HEMK2: variants seen among roughly 807,000 people sequenced by gnomAD.
The protein encoded by HEMK2 is methyltransferase HEMK2.
chr21:28,581,886 T>C, the HEMK2 span, among the ~76,000 whole-genome samples: 22 of 152,348 alleles, frequency 1.4e-4, no homozygotes, highest in East Asian at 4.2e-3. Flanking sequence ...CAATGGCTGA[T>C]ACATTTTAAA....
At chr21:28,792,241 C>A in the HEMK2 span, among the ~76,000 whole-genome samples, 1 of 152,152 alleles carries the variant, frequency 6.6e-6, no homozygotes, top group Non-Finnish European at 1.5e-5. Context: ...AAAATGCCAA[C>A]CAGCAGCCCT....
At chr21:28,687,319 T>C in the HEMK2 span, among the ~76,000 whole-genome samples, 1 of 152,228 alleles carries the variant, frequency 6.6e-6, no homozygotes, top group Non-Finnish European at 1.5e-5. Context: ...GGCACCCACC[T>C]TGGACACACC....
chr21:28,753,332 G>A, the HEMK2 span, among the ~76,000 whole-genome samples: 9 of 148,846 alleles, frequency 6.0e-5, no homozygotes, highest in Admixed American at 6.1e-4. Context: ...ACTCCAGCCT[G>A]GGCAACACAG....
chr21:28,581,810 G>A, the HEMK2 span, among the ~76,000 whole-genome samples: 2 of 152,270 alleles, frequency 1.3e-5, no homozygotes, highest in South Asian at 2.1e-4. Context: ...TTGTTATCCA[G>A]CCAAATTAAA....
chr21:28,864,629 T>C, the HEMK2 span, among the ~76,000 whole-genome samples: 1 of 152,216 alleles, frequency 6.6e-6, no homozygotes, highest in East Asian at 1.9e-4. Context: ...ACTTAAAAAG[T>C]TTCACTTCAA....
chr21:28,701,236 A>C, the HEMK2 span, among the ~76,000 whole-genome samples: 1 of 151,158 alleles, frequency 6.6e-6, no homozygotes, highest in Admixed American at 6.7e-5. Flanking sequence ...AACCAGAACA[A>C]GACAAGAATG....
At chr21:28,664,778 T>G in the HEMK2 span, among the ~76,000 whole-genome samples, 9 of 152,130 alleles carry the variant, frequency 5.9e-5, no homozygotes, top group African/African-American at 2.2e-4. Flanking sequence ...GAAAATAAAT[T>G]AGACCTTTAG....
the HEMK2 span, among the ~76,000 whole-genome samples, chr21:28,586,102 G>A: frequency 3.3e-5 from 5 of 152,192 alleles, no homozygotes; most frequent in African/African-American, 1.2e-4. Flanking sequence ...GAAAGTGGTG[G>A]GATAGAGAAA....
At chr21:28,823,398 G>C in the HEMK2 span, among the ~76,000 whole-genome samples, 8 of 152,290 alleles carry the variant, frequency 5.3e-5, no homozygotes, top group East Asian at 1.3e-3. Flanking sequence ...TAGGTTCTAA[G>C]AGAAAGAAAA....
At chr21:28,698,074 G>C in the HEMK2 span, among the ~76,000 whole-genome samples, 47 of 152,132 alleles carry the variant, frequency 3.1e-4, no homozygotes, top group Non-Finnish European at 3.8e-4. Flanking sequence ...ACTCATGAAG[G>C]TTCAACCCTC....
At chr21:28,720,262 C>G in the HEMK2 span, among the ~76,000 whole-genome samples, 2 of 152,216 alleles carry the variant, frequency 1.3e-5, no homozygotes, top group Non-Finnish European at 2.9e-5. Context: ...TGACCAGAGG[C>G]TCCTGGGAGC....
chr21:28,878,579 T>C, the HEMK2 span, among the ~76,000 whole-genome samples: 8 of 149,252 alleles, frequency 5.4e-5, no homozygotes, highest in Admixed American at 4.0e-4. Flanking sequence ...TAGTTCCATA[T>C]GTACAATTAG....
chr21:28,643,495 T>C, the HEMK2 span, among the ~76,000 whole-genome samples: 2 of 152,062 alleles, frequency 1.3e-5, no homozygotes, highest in African/African-American at 2.4e-5. Context: ...CTGGGCAACA[T>C]AGAAAGACCC....
the HEMK2 span, among the ~76,000 whole-genome samples, chr21:28,843,646 T>C: frequency 6.6e-6 from 1 of 152,188 alleles, no homozygotes; most frequent in South Asian, 2.1e-4. Context: ...CATGGTCTCC[T>C]TTCAGCTTAA....
the HEMK2 span, among the ~76,000 whole-genome samples, chr21:28,768,073 G>A: frequency 6.6e-6 from 1 of 151,960 alleles, no homozygotes; most frequent in Non-Finnish European, 1.5e-5. Flanking sequence ...TTAGAAGAGG[G>A]TCTCTCTTTC....
chr21:28,831,618 A>AAG, the HEMK2 span, among the ~76,000 whole-genome samples: 1 of 84,350 alleles, frequency 1.2e-5, no homozygotes, highest in African/African-American at 7.6e-5. Context: ...AAAGAAGGAA[A>AAG]GAAGGAAAGA....
chr21:28,709,273 G>T, the HEMK2 span, among the ~76,000 whole-genome samples: 13 of 152,164 alleles, frequency 8.5e-5, no homozygotes, highest in Admixed American at 2.0e-4. Flanking sequence ...AAAGGTATAT[G>T]TAGAATACAG....
At chr21:28,593,264 T>A in the HEMK2 span, among the ~76,000 whole-genome samples, 6 of 152,284 alleles carry the variant, frequency 3.9e-5, no homozygotes, top group Middle Eastern at 6.8e-3. Flanking sequence ...TAAACATAAA[T>A]AAATTTTAGG....
the HEMK2 span, among the ~76,000 whole-genome samples, chr21:28,735,802 A>C: frequency 9.2e-5 from 14 of 152,236 alleles, no homozygotes; most frequent in African/African-American, 3.4e-4. Context: ...AAAGTTGGTT[A>C]TATCTGCAAA....
Sources: allele counts gnomAD v4.1 joint callset (sites outside exome capture counted in the v4.1 genomes callset), GRCh38; gene constraint gnomAD v4.1.1; transcripts MANE v1.5; gene names NCBI Gene and HGNC (gene_info 2026-07-23, HGNC 2026-07-21).